PRDM2: variants seen among roughly 807,000 people sequenced by gnomAD.
The protein encoded by PRDM2 is PR domain zinc finger protein 2.
Under a neutral mutation model 130.0 loss-of-function variants are expected in PRDM2, and 30 were observed. The ratio of observed to expected loss-of-function variants is 0.23; its 90% CI spans 0.17 to 0.31. PRDM2 has a LOEUF of 0.31. Ranked by LOEUF, PRDM2 falls within the 10% of genes least tolerant of loss-of-function variation. The pLI is 1.00. For synonymous variants in PRDM2, 871 were observed against 782.4 expected (o/e 1.11, Z -1.89); for missense variants, 2,011 against 2,108.4 (o/e 0.95, Z 0.90).
At chr1:13,737,081 G>A (rs1466920510) in intron 4 of PRDM2, among the ~76,000 whole-genome samples, 4 of 152,198 alleles carry the variant, frequency 2.6e-5, no homozygotes, top group African/African-American at 7.2e-5. Flanking sequence ...TTATTTGTAA[G>A]TTAAAATTGC....
intron 2 of PRDM2, among the ~76,000 whole-genome samples, chr1:13,726,840 A>G (rs151257284): frequency 6.6e-6 from 1 of 152,274 alleles, no homozygotes; most frequent in East Asian, 1.9e-4. Context: ...TATCACAGTG[A>G]TCAGTGTTAA....
chr1:13,741,933 A>G (rs1434039632), intron 4 of PRDM2, 72 bp from the exon 5 acceptor site: 42 of 1,256,992 alleles, frequency 3.3e-5, no homozygotes, highest in Non-Finnish European at 4.6e-5. Context: ...TTATCCTTAA[A>G]AGTTAAAAAT....
chr1:13,767,090 A>T (rs1446216737), intron 6 of PRDM2, among the ~76,000 whole-genome samples: 2 of 152,196 alleles, frequency 1.3e-5, no homozygotes, highest in Non-Finnish European at 2.9e-5. Flanking sequence ...AGTCTTAGAA[A>T]ATAGTCATTA....
At position 13,781,547 on chromosome 1, in the gene PRDM2, A is replaced by T; in HGVS notation, c.3752A>T (p.Asp1251Val). ...GAGCATATGCAGAGCTTGCCAGAAG[A>T]TCCTTTAGAAACTTCTAAAGAAGAA... The part of the protein sequence containing the change: ...HVEHMQSLPE[D>V]PLETSKEEEE... Residue 1251 changes from aspartate (D) to valine (V), a missense_variant, in exon 8 of 10, where the codon GAT (aspartate) becomes GTT (valine). Physicochemically the swap from Asp to Val is radical, Grantham distance 152 (BLOSUM62 -3). Around this residue, in one of 5 missense-constraint regions of PRDM2, gnomAD observed 229 missense variants for 364.1 expected, o/e 0.63. Transcript: ENST00000311066. This position sits in a 1 kb window ranked among gnomAD's most constrained non-coding sequence, Gnocchi z 6.1. 1 of 1,612,354 alleles carries T rather than the reference A, an allele frequency of 6.2e-7. No homozygotes were observed. The highest frequency in any genetic ancestry group is 8.5e-7 in the Non-Finnish European group (1 of 1,179,952).
intron 3 of PRDM2, among the ~76,000 whole-genome samples, chr1:13,732,097 A>G (rs745852779): frequency 4.0e-5 from 6 of 151,380 alleles, no homozygotes; most frequent in Non-Finnish European, 8.9e-5. Flanking sequence ...CTGCTGGGCC[A>G]GACTCCTGCC....
intron 9 of PRDM2, 40 bp downstream of exon 9, chr1:13,816,610 T>G (rs1570130079): frequency 1.2e-6 from 2 of 1,608,688 alleles, no homozygotes; most frequent in South Asian, 1.1e-5. Flanking sequence ...ACTGTTTGGG[T>G]GGGTCAAGGG....
chr1:13,782,127 C>T lies in PRDM2; in HGVS notation c.4332C>T (p.Ala1444=), dbSNP rs369838921. The T allele has an allele frequency of 4.8e-5, 78 of 1,613,822 alleles. No homozygotes were observed. Among genetic ancestry groups the T allele is most frequent in the Non-Finnish European group, 6.1e-5 (72 of 1,180,010 alleles). The change falls in exon 8 of 10, where the codon GCC becomes GCT. Residue 1444 remains alanine, a synonymous_variant. Coordinates refer to ENST00000311066, the MANE Select transcript of PRDM2 (RefSeq NM_001393986.1). ...LQKNKSAKQK[A]DLKNACESSS... is the part of the protein sequence containing the mutation. ...AAAACAAATCTGCAAAGCAGAAGGCCGACTTGAAAAATGCTTGTGAGTCAT... is the reference window on the plus strand; with the variant it reads ...AAAACAAATCTGCAAAGCAGAAGGCTGACTTGAAAAATGCTTGTGAGTCAT...
intron 2 of PRDM2, among the ~76,000 whole-genome samples, chr1:13,721,175 T>C (rs975340935): frequency 1.3e-5 from 2 of 152,224 alleles, no homozygotes; most frequent in Non-Finnish European, 2.9e-5. Flanking sequence ...TTCAGCCATA[T>C]TGTTGCATGT....
intron 8 of PRDM2, 129 bp from the exon 9 acceptor site, chr1:13,816,298 G>T (rs1645255863): frequency 1.7e-6 from 2 of 1,179,186 alleles, no homozygotes; most frequent in Middle Eastern, 2.3e-4. Context: ...TGGCCTCAAG[G>T]TGTCCAGGAA....
At chr1:13,789,376 G>A (rs561365318) in intron 8 of PRDM2, among the ~76,000 whole-genome samples, 2 of 152,198 alleles carry the variant, frequency 1.3e-5, no homozygotes, top group Admixed American at 6.5e-5. Context: ...AGTACTTAAT[G>A]TATGCCTGGC....
At chr1:13,736,218 C>A (rs1643267915) in intron 4 of PRDM2, among the ~76,000 whole-genome samples, 3 of 151,360 alleles carry the variant, frequency 2.0e-5, no homozygotes, top group Admixed American at 2.0e-4. Flanking sequence ...AAGTGATCTT[C>A]CTGCCTCAGC....
intron 6 of PRDM2, chr1:13,772,313 G>T (rs1644377540): frequency 6.6e-6 from 1 of 152,218 alleles, no homozygotes; most frequent in African/African-American, 2.4e-5. Context: ...ATAGATAATT[G>T]TTTCTTATCT....
At chr1:13,730,763 G>A (rs2277) in intron 2 of PRDM2, among the ~76,000 whole-genome samples, 26,424 of 152,090 alleles carry the variant, frequency 0.17, 2,888 homozygotes, top group Admixed American at 0.24. Context: ...ACAGGTGGCT[G>A]GAACAAAATA....
chr1:13,780,847 T>G lies in PRDM2; in HGVS notation c.3052T>G (p.Ser1018Ala). 6.2e-7 allele frequency: 1 copy of G among 1,604,186 alleles called. No homozygotes were observed. Among genetic ancestry groups the G allele is most frequent in the Non-Finnish European group, 8.5e-7 (1 of 1,174,606 alleles). The change falls in exon 8 of 10, where the codon TCC becomes GCC. Residue 1018 changes from serine (S) to alanine (A), a missense_variant. Physicochemically the swap from Ser to Ala is moderately conservative, Grantham distance 99. This residue lies in a region of PRDM2 where 1,288 missense variants were observed against 1,237.7 expected (regional missense o/e 1.04). Transcript: ENST00000311066. ...PSPLSNATAQ[S>A]PLPILSPTVS... ...TCCACTCTCAAATGCCACCGCACAG[T>G]CCCCACTTCCAATTCTGTCCCCAAC...
At chr1:13,702,786 T>C (rs903662981) in intron 1 of PRDM2, among the ~76,000 whole-genome samples, 1 of 152,192 alleles carries the variant, frequency 6.6e-6, no homozygotes, top group Non-Finnish European at 1.5e-5. Flanking sequence ...TGAGTAGCTT[T>C]TCATGTTATT....
At chr1:13,810,820 T>C (rs1184260050) in intron 8 of PRDM2, among the ~76,000 whole-genome samples, 1 of 152,120 alleles carries the variant, frequency 6.6e-6, no homozygotes, top group Non-Finnish European at 1.5e-5. Flanking sequence ...TGTGACTTTG[T>C]GCTCCTTAGG....
chr1:13,700,620 G>A (rs1263953351), intron 1 of PRDM2, among the ~76,000 whole-genome samples: 3 of 151,694 alleles, frequency 2.0e-5, no homozygotes, highest in Non-Finnish European at 2.9e-5. Flanking sequence ...GACGCGTGCG[G>A]GCTGCAGAGA....
At chr1:13,735,531 T>TC (rs532183951) in intron 4 of PRDM2, among the ~76,000 whole-genome samples, 221 of 152,346 alleles carry the variant, frequency 1.5e-3, no homozygotes, top group African/African-American at 5.0e-3. Context: ...GCTTTTTTTT[T>TC]CTTTTCTTCT....
chr1:13,797,848 T>C (rs2100723145), intron 8 of PRDM2, among the ~76,000 whole-genome samples: 1 of 152,346 alleles, frequency 6.6e-6, no homozygotes, highest in East Asian at 1.9e-4. Context: ...CAGAGGGCTT[T>C]TAAAGTATTA....
Sources: allele counts gnomAD v4.1 joint callset (sites outside exome capture counted in the v4.1 genomes callset), GRCh38; gene constraint gnomAD v4.1.1; regional missense constraint gnomAD v4.1.1; non-coding constraint Gnocchi (gnomAD v3.1); transcripts MANE v1.5; gene names NCBI Gene and HGNC (gene_info 2026-07-23, HGNC 2026-07-21).